The following HOGA1 variants were observed in gnomAD, a reference collection of about 807,000 sequenced individuals.
HOGA1 encodes 4-hydroxy-2-oxoglutarate aldolase, mitochondrial.
Under a neutral mutation model 34.3 loss-of-function variants are expected in HOGA1, and 30 were observed. That is an observed-to-expected ratio of 0.87 (90% CI 0.65 to 1.19). The LOEUF (loss-of-function observed/expected upper bound fraction) is 1.19. HOGA1 is among the 50% of genes most tolerant of loss of function. The pLI is 0.00. For missense variants in HOGA1, 417 were observed against 436.5 expected (o/e 0.96, Z 0.40); for synonymous variants, 161 against 174.0 (o/e 0.93, Z 0.59).
intron 1 of HOGA1, among the ~76,000 whole-genome samples, chr10:97,586,973 C>T (rs2040975965): frequency 6.6e-6 from 1 of 152,186 alleles, no homozygotes; most frequent in Admixed American, 6.5e-5. Flanking sequence ...TTAACAGAGA[C>T]CTTGGGGAAA....
rs2041093784 is a variant in HOGA1, at chr10:97,598,961, A to G, written c.340+58A>G. On this transcript the variant is annotated intron_variant, in intron 2 of 6. Coordinates refer to ENST00000370646, the MANE Select transcript of HOGA1 (RefSeq NM_138413.4). ...GTGGATGTGCAGGATCCAGGCTCCT[A>G]GGCCCTAGCTTGGGTCCTGTCTCCT... The G allele has an allele frequency of 1.3e-5, 21 of 1,610,292 alleles. No individual in the cohort carries two copies. The Admixed American group carries it at 3.5e-4, about 27-fold the overall frequency.
At chr10:97,587,077 T>A (rs1323559147) in intron 1 of HOGA1, among the ~76,000 whole-genome samples, 1 of 152,190 alleles carries the variant, frequency 6.6e-6, no homozygotes, top group Admixed American at 6.5e-5. Flanking sequence ...CCCAAGGCAC[T>A]GTCACAGAAA....
intron 5 of HOGA1, chr10:97,600,376 G>A (rs1488595131): frequency 9.6e-6 from 6 of 622,176 alleles, no homozygotes; most frequent in Middle Eastern, 4.2e-4. Context: ...GAGGATGGCC[G>A]TGTACAATCC....
At chr10:97,591,794 T>G (rs1354538059) in intron 1 of HOGA1, among the ~76,000 whole-genome samples, 2 of 147,978 alleles carry the variant, frequency 1.4e-5, no homozygotes, top group Non-Finnish European at 3.0e-5. Context: ...CTGGCTAATT[T>G]TTTTTTTTTC....
chr10:97,590,621 C>A, intron 1 of HOGA1: 1 of 1,562,232 alleles, frequency 6.4e-7, no homozygotes, highest in African/African-American at 1.4e-5. Flanking sequence ...GCCCCTGCCC[C>A]CAGCAAGGCT....
At chr10:97,597,176 G>A (rs2135720287) in intron 1 of HOGA1, among the ~76,000 whole-genome samples, 1 of 151,052 alleles carries the variant, frequency 6.6e-6, no homozygotes, top group Non-Finnish European at 1.5e-5. Flanking sequence ...CACAATCATA[G>A]TTCACTGCAG....
At chr10:97,600,208 T>C (rs1202680801) in intron 5 of HOGA1, 45 bp downstream of exon 5, 2 of 1,478,404 alleles carry the variant, frequency 1.4e-6, no homozygotes, top group African/African-American at 2.8e-5. Flanking sequence ...GACCAAGAGA[T>C]ACCCAGGTAC....
intron 1 of HOGA1, among the ~76,000 whole-genome samples, chr10:97,594,324 C>T (rs543170326): frequency 7.9e-5 from 12 of 151,432 alleles, no homozygotes; most frequent in South Asian, 4.2e-4. Flanking sequence ...TACAGGTGCG[C>T]GCCTCCATGC....
chr10:97,602,041 G>A (rs1313358264), intron 6 of HOGA1, 51 bp downstream of exon 6: 5 of 1,576,698 alleles, frequency 3.2e-6, no homozygotes, highest in Non-Finnish European at 4.3e-6. Flanking sequence ...GGCAGTCTGT[G>A]TCCTCATTGG....
At chr10:97,611,070 G>A (rs757751459) in intron 6 of HOGA1, among the ~76,000 whole-genome samples, 2 of 152,166 alleles carry the variant, frequency 1.3e-5, no homozygotes, top group Non-Finnish European at 2.9e-5. Flanking sequence ...GGGAGTAGAG[G>A]TCTGGGCTGT....
intron 1 of HOGA1, among the ~76,000 whole-genome samples, chr10:97,591,118 C>A (rs2041019312): frequency 6.6e-6 from 1 of 152,100 alleles, no homozygotes; most frequent in South Asian, 2.1e-4. Context: ...AAAAGGGGTA[C>A]CTCTAGACGT....
In HOGA1 at chr10:97,599,742, C is replaced by T. The variant is rs375700991; in HGVS notation, c.531C>T (p.Asp177=). ...GTGTCCCAGCCAACACAGGGCTGGA[C>T]CTGCCTGTGGATGCAGTGGTCACGC... ...LYSVPANTGL[D]LPVDAVVTLS... Residue 177 remains aspartate (D), a synonymous_variant, in exon 4 of 7, where the codon GAC becomes GAT. Transcript: ENST00000370646. 9 of 1,614,096 alleles carry T rather than the reference C, an allele frequency of 5.6e-6. No individual in the cohort carries two copies. Among genetic ancestry groups the T allele is most frequent in the Middle Eastern group, 1.6e-4 (1 of 6,084 alleles).
chr10:97,599,666 G>C lies in HOGA1; in HGVS notation c.469-14G>C. 6.2e-7 allele frequency: 1 copy of C among 1,613,634 alleles called. No homozygotes were observed. Among genetic ancestry groups the C allele is most frequent in the Non-Finnish European group, 8.5e-7 (1 of 1,179,932 alleles). On this transcript the variant is annotated splice_polypyrimidine_tract_variant and intron_variant, in intron 3 of 6. Coordinates refer to ENST00000370646, the MANE Select transcript of HOGA1 (RefSeq NM_138413.4). ...GCTGCCCTCTCCTGCTTTTCTCTGC[G>C]CCCCCCTCCCCAGGTTGCTGATCTC... is the stretch of plus-strand genomic sequence containing the variant.
chr10:97,593,783 A>G (rs1167999704), intron 1 of HOGA1, among the ~76,000 whole-genome samples: 1 of 152,142 alleles, frequency 6.6e-6, no homozygotes, highest in East Asian at 1.9e-4. Flanking sequence ...GTTGGCCCGC[A>G]TTTGGAAGGT....
intron 1 of HOGA1, among the ~76,000 whole-genome samples, chr10:97,596,515 A>G (rs548268549): frequency 6.6e-6 from 1 of 152,264 alleles, no homozygotes; most frequent in South Asian, 2.1e-4. Context: ...TCGTAGCTAG[A>G]TTGGAGTCCT....
rs74445273 is a variant in HOGA1 at position 97,591,163 on chromosome 10, G to A, written c.211+6249G>A. On this transcript the variant is annotated intron_variant, in intron 1 of 6. Coordinates refer to ENST00000370646, the MANE Select transcript of HOGA1 (RefSeq NM_138413.4). ...CCCAATCTGATGTTGCCAGGGAAGA[G>A]GGGAGCAGCCAGGTATTGGGCTTGG... is the stretch of plus-strand genomic sequence containing the variant. Among the ~76,000 whole-genome samples the A allele has an allele frequency of 3.4e-3, 514 of 152,272 alleles. 8 individuals carry two copies. Among genetic ancestry groups the A allele is most frequent in the African/African-American group, 0.012 (497 of 41,562 alleles).
chr10:97,599,808 T>C lies in HOGA1; in HGVS notation c.597T>C (p.Gly199=), dbSNP rs2135722299. The part of the protein sequence containing the change: ...HPNIVGMKDS[G]GDVTRIGLIV... ...ATATTGTGGGCATGAAGGACAGCGG[T>C]GGTGATGTGAGTGGCAGCAGCTCCG... Residue 199 remains glycine, a synonymous_variant, in exon 4 of 7, where the codon GGT becomes GGC. Transcript: ENST00000370646. 1 of 1,614,134 alleles carries C rather than the reference T, an allele frequency of 6.2e-7. No homozygotes were observed. The highest frequency in any genetic ancestry group is 8.5e-7 in the Non-Finnish European group (1 of 1,180,022).
intron 1 of HOGA1, among the ~76,000 whole-genome samples, chr10:97,592,951 A>T (rs982409850): frequency 1.4e-5 from 2 of 147,636 alleles, no homozygotes; most frequent in Admixed American, 1.4e-4. Flanking sequence ...GATTGCTTGA[A>T]TCCAGGAGGC....
At position 97,588,808 on chromosome 10, in the gene HOGA1, A is replaced by G. The variant is rs184687260; in HGVS notation, c.211+3894A>G. 8.5e-5 allele frequency among the ~76,000 whole-genome samples: 13 copies of G among 152,352 alleles called. No homozygotes were observed. In the East Asian group the frequency reaches 1.5e-3, roughly 18 times the overall value. On this transcript the variant is annotated intron_variant, in intron 1 of 6. Transcript: ENST00000370646. Reference sequence around the variant, plus strand: ...CTCTGTTAAAGAAAATATTTTGTTTAAAGCATCACAATGTTTACAACCCCA... The same window carrying G: ...CTCTGTTAAAGAAAATATTTTGTTTGAAGCATCACAATGTTTACAACCCCA...
Sources: gnomAD v4.1 joint callset for allele counts (sites outside exome capture counted in the v4.1 genomes callset) on GRCh38, gnomAD v4.1.1 for gene constraint, MANE v1.5 for transcripts, NCBI Gene and HGNC (gene_info 2026-07-23, HGNC 2026-07-21) for gene names.